KCNQ1OT1: variants seen among roughly 807,000 people sequenced by gnomAD.
KCNQ1OT1 encodes the protein KCNQ1 opposite strand/antisense transcript 1, also known as KCNQ1 antisense RNA 2 (non-protein coding).
chr11:2,631,987 C>T (rs1205870135), exon 1 of KCNQ1OT1: 4 of 396,164 alleles, frequency 1.0e-5, no homozygotes, highest in African/African-American at 6.2e-5. Context: ...TCGAGACCAT[C>T]CTGGCTAACA....
At position 2,698,172 on chromosome 11, in the gene KCNQ1OT1, G is replaced by T. The variant is rs1315459106; in HGVS notation, n.1823C>A. Reference sequence around the variant, plus strand: ...CAGAGTTCCTCGTTGGGAGCTTTTGGTCTAGCAAAAGGGGCACCACAGTAA... The same window carrying T: ...CAGAGTTCCTCGTTGGGAGCTTTTGTTCTAGCAAAAGGGGCACCACAGTAA... On this transcript the variant is annotated non_coding_transcript_exon_variant, in exon 1 of 1. Transcript: ENST00000597346. This position sits in a 1 kb window ranked among gnomAD's most constrained non-coding sequence, Gnocchi z 5.1. 1 of 398,512 alleles carries T rather than the reference G, an allele frequency of 2.5e-6. No homozygotes were observed. The highest frequency in any genetic ancestry group is 2.1e-5 in the African/African-American group (1 of 48,624). The allele number at this position is 398,512 out of a possible 1,614,324, so 24.7% of individuals were successfully genotyped here.
chr11:2,628,715 C>T (rs1849301769), exon 1 of KCNQ1OT1: 1 of 398,202 alleles, frequency 2.5e-6, no homozygotes, highest in South Asian at 1.3e-4. Flanking sequence ...TCACAAAAAC[C>T]AATGGCAAGG....
rs1850501267 is a variant in KCNQ1OT1 at position 2,687,024 on chromosome 11, T to TA, written n.12970dup. The TA allele has an allele frequency of 5.0e-6, 2 of 398,510 alleles. No individual in the cohort carries two copies. The highest frequency in any genetic ancestry group is 2.5e-4 in the South Asian group (2 of 7,858). 24.7% of individuals were successfully genotyped at this position (398,510 alleles called of 1,614,324 possible). A position where few individuals can be genotyped will look rare whatever the true frequency, so the allele number is the denominator to read the frequency against. ...TAAGATGGGAGCAAGAGCTTAGGGCTAAAACTCAGCAGTCCCAGCTCTGGG... is the reference window on the plus strand; with the variant it reads ...TAAGATGGGAGCAAGAGCTTAGGGCTAAAAACTCAGCAGTCCCAGCTCTGGG... On this transcript the variant is annotated non_coding_transcript_exon_variant, in exon 1 of 1. Coordinates refer to ENST00000597346, the Ensembl canonical transcript of KCNQ1OT1. This position sits in a 1 kb window ranked among gnomAD's most constrained non-coding sequence, Gnocchi z 5.0.
rs1219088851 is a variant in KCNQ1OT1, at chr11:2,668,248, G to C, written n.31747C>G. On this transcript the variant is annotated non_coding_transcript_exon_variant, in exon 1 of 1. Coordinates refer to ENST00000597346, the Ensembl canonical transcript of KCNQ1OT1. The surrounding 1 kb of genome is among the most constrained non-coding windows in gnomAD (Gnocchi z 4.3). ...CTGTGGCCAGCAGGCAGTTTCTGGT[G>C]TAGGTTGCTGTTTAAGAATATTCTG... The C allele has an allele frequency of 2.5e-6, 1 of 398,536 alleles. No homozygotes were observed. Among genetic ancestry groups the C allele is most frequent in the African/African-American group, 2.1e-5 (1 of 48,620 alleles). 24.7% of individuals were successfully genotyped at this position (398,536 alleles called of 1,614,324 possible). A position where few individuals can be genotyped will look rare whatever the true frequency, so the allele number is the denominator to read the frequency against.
At chr11:2,665,535 T>G (rs1458061771) in exon 1 of KCNQ1OT1, 2 of 393,418 alleles carry the variant, frequency 5.1e-6, no homozygotes, top group East Asian at 7.2e-5. Flanking sequence ...TAGAATGCCC[T>G]TGTCACCCAT....
exon 1 of KCNQ1OT1, chr11:2,616,201 TTTG>T (rs1213589499): frequency 6.8e-5 from 27 of 396,994 alleles, no homozygotes; most frequent in Non-Finnish European, 8.9e-5. Flanking sequence ...CGTTCCCACT[TTTG>T]TTTTTTTTTC....
At position 2,668,568 on chromosome 11, in the gene KCNQ1OT1, T is replaced by C. The variant is rs1013613495; in HGVS notation, n.31427A>G. On this transcript the variant is annotated non_coding_transcript_exon_variant, in exon 1 of 1. Coordinates refer to ENST00000597346, the Ensembl canonical transcript of KCNQ1OT1. The surrounding 1 kb of genome is among the most constrained non-coding windows in gnomAD (Gnocchi z 4.3). ...TAATGAAGTTGAGTCCCTTTCCATGTTATCATTTAGTCAGATACATCATTC... is the reference window on the plus strand; with the variant it reads ...TAATGAAGTTGAGTCCCTTTCCATGCTATCATTTAGTCAGATACATCATTC... 2.5e-6 allele frequency: 1 copy of C among 398,546 alleles called. No homozygotes were observed. The highest frequency in any genetic ancestry group is 2.1e-5 in the African/African-American group (1 of 48,646). The allele number at this position is 398,546 out of a possible 1,614,324, so 24.7% of individuals were successfully genotyped here.
At chr11:2,694,518 G>T (rs1335876530) in exon 1 of KCNQ1OT1, 1 of 398,526 alleles carries the variant, frequency 2.5e-6, no homozygotes, top group Non-Finnish European at 4.4e-6. Flanking sequence ...AGAAACCCTG[G>T]TTGCAAGGGG....
At chr11:2,609,720 T>C in exon 1 of KCNQ1OT1, 1 of 398,410 alleles carries the variant, frequency 2.5e-6, no homozygotes. Flanking sequence ...GGTGAATATA[T>C]GTTTATAATC....
Position 2,653,028 on chromosome 11 carries a change from A to G in KCNQ1OT1, n.46967T>C, listed in dbSNP as rs544408902. The G allele has an allele frequency of 5.0e-6, 2 of 398,622 alleles. No individual in the cohort carries two copies. The highest frequency in any genetic ancestry group is 4.1e-5 in the African/African-American group (2 of 48,740). The allele number at this position is 398,622 out of a possible 1,614,324, so 24.7% of individuals were successfully genotyped here. ...GGCAAATCTATTCTGCACACCTTTG[A>G]TCCAATGTGAGATCCAACATGTTCC... On this transcript the variant is annotated non_coding_transcript_exon_variant, in exon 1 of 1. Coordinates refer to ENST00000597346, the Ensembl canonical transcript of KCNQ1OT1. This position sits in a 1 kb window ranked among gnomAD's most constrained non-coding sequence, Gnocchi z 5.3.
chr11:2,682,475 C>CGAGTGAGTGAGTGAGT lies in KCNQ1OT1; in HGVS notation n.17504_17519dup, dbSNP rs3831584. The CGAGTGAGTGAGTGAGT allele has an allele frequency of 5.0e-3, 1,977 of 394,090 alleles. 7 individuals carry two copies. Among genetic ancestry groups the CGAGTGAGTGAGTGAGT allele is most frequent in the African/African-American group, 0.016 (770 of 47,818 alleles). The allele number at this position is 394,090 out of a possible 1,614,324, so 24.4% of individuals were successfully genotyped here. A position where few individuals can be genotyped will look rare whatever the true frequency, so the allele number is the denominator to read the frequency against. On this transcript the variant is annotated non_coding_transcript_exon_variant, in exon 1 of 1. Coordinates refer to ENST00000597346, the Ensembl canonical transcript of KCNQ1OT1. The surrounding 1 kb of genome is among the most constrained non-coding windows in gnomAD (Gnocchi z 5.8). ...TCACGGACCCTCAGTGAATGTTTGA[C>CGAGTGAGTGAGTGAGT]GAGTGAGTGAGTGAGTGAGTGAGTG... is the stretch of plus-strand genomic sequence containing the variant.
exon 1 of KCNQ1OT1, chr11:2,648,823 T>A (rs989419552): frequency 7.5e-6 from 3 of 398,386 alleles, no homozygotes; most frequent in Non-Finnish European, 1.3e-5. Flanking sequence ...TCCCTAACTA[T>A]TATTGTATTG....
In KCNQ1OT1 at chr11:2,687,967, T is replaced by A. The variant is rs775726238; in HGVS notation, n.12028A>T. The A allele has an allele frequency of 7.5e-6, 3 of 398,774 alleles. No individual in the cohort carries two copies. The highest frequency in any genetic ancestry group is 1.3e-5 in the Non-Finnish European group (3 of 226,178). The allele number at this position is 398,774 out of a possible 1,614,324, so 24.7% of individuals were successfully genotyped here. A position where few individuals can be genotyped will look rare whatever the true frequency, so the allele number is the denominator to read the frequency against. ...CGCTGTGGGTCAGCCAGGCCGCTGCTTCCTGCTTCCCTTTGATGTCTCCTC... is the reference window on the plus strand; with the variant it reads ...CGCTGTGGGTCAGCCAGGCCGCTGCATCCTGCTTCCCTTTGATGTCTCCTC... On this transcript the variant is annotated non_coding_transcript_exon_variant, in exon 1 of 1. Coordinates refer to ENST00000597346, the Ensembl canonical transcript of KCNQ1OT1. This position sits in a 1 kb window ranked among gnomAD's most constrained non-coding sequence, Gnocchi z 5.0.
In KCNQ1OT1 at chr11:2,647,250, TC is replaced by T. The variant is rs1179195153; in HGVS notation, n.52744del. 5.0e-6 allele frequency: 2 copies of T among 398,414 alleles called. No homozygotes were observed. The highest frequency in any genetic ancestry group is 4.1e-5 in the African/African-American group (2 of 48,636). 24.7% of individuals were successfully genotyped at this position (398,414 alleles called of 1,614,324 possible). A position where few individuals can be genotyped will look rare whatever the true frequency, so the allele number is the denominator to read the frequency against. ...AGATGATCATGTATTTTTTTGTCCT[TC>T]CTTCTGTTAATGTGATGTATCACAT... On this transcript the variant is annotated non_coding_transcript_exon_variant, in exon 1 of 1. Transcript: ENST00000597346. This position sits in a 1 kb window ranked among gnomAD's most constrained non-coding sequence, Gnocchi z 4.0.
exon 1 of KCNQ1OT1, chr11:2,665,541 C>G (rs1414871326): frequency 7.6e-6 from 3 of 394,066 alleles, no homozygotes; most frequent in African/African-American, 6.4e-5. Context: ...GCCCTTGTCA[C>G]CCATCTGCAG....
rs1012610783 is a variant in KCNQ1OT1 at position 2,658,016 on chromosome 11, C to G, written n.41979G>C. The G allele has an allele frequency of 2.5e-6, 1 of 398,442 alleles. No individual in the cohort carries two copies. Among genetic ancestry groups the G allele is most frequent in the African/African-American group, 2.1e-5 (1 of 48,602 alleles). 24.7% of individuals were successfully genotyped at this position (398,442 alleles called of 1,614,324 possible). A position where few individuals can be genotyped will look rare whatever the true frequency, so the allele number is the denominator to read the frequency against. On this transcript the variant is annotated non_coding_transcript_exon_variant, in exon 1 of 1. Transcript: ENST00000597346. The surrounding 1 kb of genome is among the most constrained non-coding windows in gnomAD (Gnocchi z 4.9). ...TAAGTGAATAGCTGTTTTTCCCTTT[C>G]CATAGCTTAGTCTTTAGAAGCGAGT...
Position 2,678,840 on chromosome 11 carries a change from G to A in KCNQ1OT1, n.21155C>T, listed in dbSNP as rs1201346189. 1 of 398,514 alleles carries A rather than the reference G, an allele frequency of 2.5e-6. No individual in the cohort carries two copies. The highest frequency in any genetic ancestry group is 4.4e-6 in the Non-Finnish European group (1 of 226,084). 24.7% of individuals were successfully genotyped at this position (398,514 alleles called of 1,614,324 possible). A position where few individuals can be genotyped will look rare whatever the true frequency, so the allele number is the denominator to read the frequency against. On this transcript the variant is annotated non_coding_transcript_exon_variant, in exon 1 of 1. Coordinates refer to ENST00000597346, the Ensembl canonical transcript of KCNQ1OT1. The surrounding 1 kb of genome is among the most constrained non-coding windows in gnomAD (Gnocchi z 4.9). Reference sequence around the variant, plus strand: ...TCCAAGGCTCACTTCAAGGAAGGCAGAATCCAGGTCGGGGGTGCACAGGAG... The same window carrying A: ...TCCAAGGCTCACTTCAAGGAAGGCAAAATCCAGGTCGGGGGTGCACAGGAG...
In KCNQ1OT1 at chr11:2,653,961, A is replaced by T; in HGVS notation, n.46034T>A. 1 of 398,622 alleles carries T rather than the reference A, an allele frequency of 2.5e-6. No homozygotes were observed. Among genetic ancestry groups the T allele is most frequent in the Non-Finnish European group, 4.4e-6 (1 of 226,062 alleles). The allele number at this position is 398,622 out of a possible 1,614,324, so 24.7% of individuals were successfully genotyped here. On this transcript the variant is annotated non_coding_transcript_exon_variant, in exon 1 of 1. Transcript: ENST00000597346. The surrounding 1 kb of genome is among the most constrained non-coding windows in gnomAD (Gnocchi z 5.3). ...TGGCAGGCAAAAACAACAGGTGTCCACTCAAGCAAGGTATTTTCCTAAGCG... is the reference window on the plus strand; with the variant it reads ...TGGCAGGCAAAAACAACAGGTGTCCTCTCAAGCAAGGTATTTTCCTAAGCG...
Position 2,690,480 on chromosome 11 carries a change from C to T in KCNQ1OT1, n.9515G>A, listed in dbSNP as rs1023229704. ...GCAGAGACTGGGTCCTGGGAACAGC[C>T]ACTGGGCCCAGTCGGGGGGGTCTCA... On this transcript the variant is annotated non_coding_transcript_exon_variant, in exon 1 of 1. Coordinates refer to ENST00000597346, the Ensembl canonical transcript of KCNQ1OT1. This position sits in a 1 kb window ranked among gnomAD's most constrained non-coding sequence, Gnocchi z 5.1. The T allele has an allele frequency of 3.3e-5, 13 of 398,482 alleles. No individual in the cohort carries two copies. The highest frequency in any genetic ancestry group is 2.7e-4 in the African/African-American group (13 of 48,598). 24.7% of individuals were successfully genotyped at this position (398,482 alleles called of 1,614,324 possible). A position where few individuals can be genotyped will look rare whatever the true frequency, so the allele number is the denominator to read the frequency against.
Sources: gnomAD v4.1 joint callset for allele counts on GRCh38, gnomAD v4.1.1 for gene constraint, Gnocchi (gnomAD v3.1) non-coding constraint, MANE v1.5 for transcripts, NCBI Gene and HGNC (gene_info 2026-07-23, HGNC 2026-07-21) for gene names.